Variants in RANBP17 observed in about 807,000 individuals in gnomAD.
RANBP17 encodes the protein ran-binding protein 17.
Under a neutral mutation model 141.2 loss-of-function variants are expected in RANBP17, and 158 were observed. The observed-to-expected ratio is 1.12, with a 90% CI of 0.98 to 1.28. The LOEUF is 1.28. Among genes scored for constraint, RANBP17 ranks in the 50% most tolerant of loss-of-function variants. The pLI, the probability that RANBP17 is intolerant of heterozygous loss-of-function variation, is 0.00. For missense variants in RANBP17, 1,438 were observed against 1,290.7 expected (o/e 1.11, Z -1.75); for synonymous variants, 430 against 450.0 (o/e 0.96, Z 0.56).
chr5:170,930,538 C>G (rs1345285228), intron 12 of RANBP17, among the ~76,000 whole-genome samples: 1 of 151,880 alleles, frequency 6.6e-6, no homozygotes, highest in Non-Finnish European at 1.5e-5. Context: ...TTAGGTATAT[C>G]TCCTAATGCT....
At chr5:171,096,825 T>C (rs1346583836) in intron 14 of RANBP17, among the ~76,000 whole-genome samples, 1 of 152,138 alleles carries the variant, frequency 6.6e-6, no homozygotes, top group Non-Finnish European at 1.5e-5. Flanking sequence ...AAGCCTACTT[T>C]ATCAACAACA....
intron 14 of RANBP17, among the ~76,000 whole-genome samples, chr5:170,971,732 T>C (rs1777005573): frequency 6.6e-6 from 1 of 152,158 alleles, no homozygotes; most frequent in Non-Finnish European, 1.5e-5. Flanking sequence ...ATCTCTCAGG[T>C]GTACTCCTTT....
At chr5:170,920,294 G>A (rs189030949) in intron 11 of RANBP17, among the ~76,000 whole-genome samples, 6 of 152,252 alleles carry the variant, frequency 3.9e-5, no homozygotes, top group Non-Finnish European at 7.4e-5. Flanking sequence ...ATGTATGAAA[G>A]ACTCAATTGC....
At chr5:170,923,963 T>G (rs1772692749) in intron 11 of RANBP17, among the ~76,000 whole-genome samples, 2 of 152,086 alleles carry the variant, frequency 1.3e-5, no homozygotes, top group Admixed American at 1.3e-4. Context: ...TTTTACCTTC[T>G]AATACATTTC....
Position 171,183,381 on chromosome 5 carries a change from T to C in RANBP17, c.1989T>C (p.Cys663=), listed in dbSNP as rs758036064. ...SDNHSLSDFR[C]RTTFYTALTR... ...ATCATAGTCTCAGCGACTTCAGGTG[T>C]CGAACAACCTTCTACACAGCGCTCA... The change falls in exon 18 of 28, where the codon TGT becomes TGC. Residue 663 remains cysteine (C), a synonymous_variant. Coordinates refer to ENST00000523189, the MANE Select transcript of RANBP17 (RefSeq NM_022897.5). 1.2e-6 allele frequency: 2 copies of C among 1,614,034 alleles called. No individual in the cohort carries two copies. Among genetic ancestry groups the C allele is most frequent in the Non-Finnish European group, 8.5e-7 (1 of 1,179,916 alleles).
intron 12 of RANBP17, among the ~76,000 whole-genome samples, chr5:170,934,434 T>C (rs1043979798): frequency 2.6e-5 from 4 of 152,172 alleles, no homozygotes; most frequent in African/African-American, 9.7e-5. Context: ...ATTGGTCTTA[T>C]TTGGCATGTT....
chr5:171,035,408 A>C (rs139631277), intron 14 of RANBP17, among the ~76,000 whole-genome samples: 111 of 152,238 alleles, frequency 7.3e-4, no homozygotes, highest in African/African-American at 2.1e-3. Flanking sequence ...GCTATTAGAG[A>C]GGTGGTTCTA....
At chr5:171,097,952 C>T (rs1786823151) in intron 14 of RANBP17, among the ~76,000 whole-genome samples, 1 of 152,040 alleles carries the variant, frequency 6.6e-6, no homozygotes, top group African/African-American at 2.4e-5. Flanking sequence ...CATGTCCCTG[C>T]AAAGGATATG....
At chr5:171,095,948 A>G (rs1786656033) in intron 14 of RANBP17, among the ~76,000 whole-genome samples, 1 of 152,142 alleles carries the variant, frequency 6.6e-6, no homozygotes, top group South Asian at 2.1e-4. Flanking sequence ...AAAATCATGA[A>G]GAGAAAATAT....
At chr5:170,877,103 A>G (rs1768245130) in intron 1 of RANBP17, among the ~76,000 whole-genome samples, 1 of 152,072 alleles carries the variant, frequency 6.6e-6, no homozygotes, top group Non-Finnish European at 1.5e-5. Context: ...TCAAGATAGG[A>G]TGATGAACAG....
chr5:171,006,484 A>T (rs1012736061), intron 14 of RANBP17, among the ~76,000 whole-genome samples: 4 of 152,146 alleles, frequency 2.6e-5, no homozygotes, highest in Non-Finnish European at 5.9e-5. Context: ...TTCTCAGCAA[A>T]CTATCGCAAG....
intron 24 of RANBP17, among the ~76,000 whole-genome samples, chr5:171,264,793 C>T (rs886243625): frequency 2.0e-5 from 3 of 152,180 alleles, no homozygotes; most frequent in African/African-American, 7.2e-5. Context: ...GAAACCAGAA[C>T]TGTCTGGCTC....
intron 14 of RANBP17, among the ~76,000 whole-genome samples, chr5:171,032,849 G>T (rs540274560): frequency 5.9e-5 from 9 of 152,220 alleles, no homozygotes; most frequent in South Asian, 2.1e-4. Context: ...GCGCATTATT[G>T]TGCTACAGTA....
chr5:170,900,050 T>C (rs1471490149), intron 5 of RANBP17, among the ~76,000 whole-genome samples: 2 of 151,944 alleles, frequency 1.3e-5, no homozygotes, highest in Non-Finnish European at 2.9e-5. Flanking sequence ...TAGGGAGGAG[T>C]CTCTCTTTTT....
chr5:170,878,835 C>T (rs1768410737), intron 2 of RANBP17, among the ~76,000 whole-genome samples: 1 of 152,070 alleles, frequency 6.6e-6, no homozygotes, highest in Admixed American at 6.5e-5. Context: ...GCAGAGTTGT[C>T]AAACTTTTTC....
At chr5:170,875,032 A>G (rs1256232858) in intron 1 of RANBP17, among the ~76,000 whole-genome samples, 2 of 152,100 alleles carry the variant, frequency 1.3e-5, no homozygotes, top group African/African-American at 2.4e-5. Flanking sequence ...GGTGGTGACA[A>G]ATTCCCTCAG....
chr5:171,221,902 G>T (rs1763585200), intron 22 of RANBP17, 62 bp downstream of exon 22: 1 of 1,015,530 alleles, frequency 9.8e-7, no homozygotes. Context: ...AGGAAAGAAA[G>T]ATGTTAGTTA....
intron 25 of RANBP17, among the ~76,000 whole-genome samples, chr5:171,283,014 T>C (rs1767946228): frequency 1.3e-5 from 2 of 152,080 alleles, no homozygotes; most frequent in Admixed American, 1.3e-4. Flanking sequence ...CTGCTCCTCA[T>C]TCCCCCAGAC....
intron 5 of RANBP17, among the ~76,000 whole-genome samples, chr5:170,906,876 A>G (rs1771115251): frequency 6.6e-6 from 1 of 151,860 alleles, no homozygotes; most frequent in Admixed American, 6.6e-5. Context: ...TGAACCAAGC[A>G]CCTTTTAAGA....
Sources: gnomAD v4.1 joint callset for allele counts (sites outside exome capture counted in the v4.1 genomes callset) on GRCh38, gnomAD v4.1.1 for gene constraint, MANE v1.5 for transcripts, NCBI Gene and HGNC (gene_info 2026-07-23, HGNC 2026-07-21) for gene names.